OSBPL10: variants seen among roughly 807,000 people sequenced by gnomAD.
OSBPL10 encodes the protein oxysterol-binding protein-related protein 10.
OSBPL10 carries 49 observed loss-of-function variants against 81.7 expected under a neutral mutation model. The observed-to-expected ratio is 0.60, with a 90% CI of 0.48 to 0.76. The LOEUF (loss-of-function observed/expected upper bound fraction) is 0.76. Among genes scored for constraint, OSBPL10 ranks in the 30% least tolerant of loss-of-function variants. The pLI is 0.00. For synonymous variants in OSBPL10, 419 were observed against 383.6 expected (o/e 1.09, Z -1.08); for missense variants, 923 against 987.8 (o/e 0.93, Z 0.88).
At chr3:32,024,726 G>A (rs1053917766) in intron 2 of OSBPL10, among the ~76,000 whole-genome samples, 7 of 151,868 alleles carry the variant, frequency 4.6e-5, no homozygotes, top group Non-Finnish European at 1.0e-4. Context: ...CACCTGCCTC[G>A]GCCTCCCAAA....
At chr3:31,799,583 G>C (rs772078835) in intron 4 of OSBPL10, among the ~76,000 whole-genome samples, 7 of 152,000 alleles carry the variant, frequency 4.6e-5, no homozygotes, top group Non-Finnish European at 7.4e-5. Flanking sequence ...TGGTGAAGAT[G>C]AATTAGTCAC....
rs1699016030 is a variant in OSBPL10, at chr3:31,990,635, T to A, written n.298+55856A>T. On this transcript the variant is annotated intron_variant and non_coding_transcript_variant, in intron 2 of 3. Transcript: ENST00000479173. ...AAGTGTAATGAATGTGGCAAGGTTT[T>A]TAATCAACAAGCAACCCTTGCACGT... 6.2e-7 allele frequency: 1 copy of A among 1,614,176 alleles called. No homozygotes were observed. Among genetic ancestry groups the A allele is most frequent in the East Asian group, 2.2e-5 (1 of 44,868 alleles).
intron 4 of OSBPL10, among the ~76,000 whole-genome samples, chr3:31,751,256 G>A (rs1228673460): frequency 1.3e-5 from 2 of 152,146 alleles, no homozygotes; most frequent in Non-Finnish European, 2.9e-5. Flanking sequence ...GCTGAGATGG[G>A]AGGATCTCTT....
intron 2 of OSBPL10, among the ~76,000 whole-genome samples, chr3:32,026,428 G>A (rs955981212): frequency 3.3e-5 from 5 of 152,228 alleles, no homozygotes; most frequent in Non-Finnish European, 5.9e-5. Flanking sequence ...GACCATGCCC[G>A]GCTAAGCCAT....
At chr3:31,910,268 T>TGCA (rs1696535365) in intron 1 of OSBPL10, among the ~76,000 whole-genome samples, 1 of 151,594 alleles carries the variant, frequency 6.6e-6, no homozygotes. Context: ...TGTGAGCCAG[T>TGCA]GCACCTAGCC....
chr3:31,955,909 G>A (rs186650047), intron 1 of OSBPL10, among the ~76,000 whole-genome samples: 215 of 152,066 alleles, frequency 1.4e-3, no homozygotes, highest in Non-Finnish European at 2.2e-3. Flanking sequence ...GTCAGATGGT[G>A]ACAAGTGTAT....
intron 3 of OSBPL10, among the ~76,000 whole-genome samples, chr3:31,855,675 G>A (rs1356880876): frequency 6.6e-6 from 1 of 152,158 alleles, no homozygotes; most frequent in Non-Finnish European, 1.5e-5. Context: ...TACTTGCAGT[G>A]TTTGTTGAAT....
intron 2 of OSBPL10, among the ~76,000 whole-genome samples, chr3:32,031,179 GAAAAAGA>G (rs1699464201): frequency 6.6e-6 from 1 of 150,418 alleles, no homozygotes; most frequent in Non-Finnish European, 1.5e-5. Context: ...AAAAAGAAAA[GAAAAAGA>G]AAAAAGAAAA....
At chr3:31,909,549 A>G (rs891212786) in intron 1 of OSBPL10, among the ~76,000 whole-genome samples, 2 of 152,122 alleles carry the variant, frequency 1.3e-5, no homozygotes, top group Non-Finnish European at 2.9e-5. Flanking sequence ...CTTCTCACTA[A>G]ATTGCCATCT....
At chr3:31,996,785 G>T (rs1441791534) in intron 2 of OSBPL10, among the ~76,000 whole-genome samples, 1 of 152,144 alleles carries the variant, frequency 6.6e-6, no homozygotes, top group East Asian at 1.9e-4. Flanking sequence ...TCCAGAGAGT[G>T]CAGAACTTAA....
chr3:31,687,288 G>A (rs1575476187), intron 7 of OSBPL10, among the ~76,000 whole-genome samples: 1 of 152,138 alleles, frequency 6.6e-6, no homozygotes, highest in Middle Eastern at 3.4e-3. Flanking sequence ...TGGCAATGGG[G>A]CTTCTGTGGC....
intron 1 of OSBPL10, among the ~76,000 whole-genome samples, chr3:31,962,532 ATT>A (rs57842240): frequency 0.037 from 5,585 of 149,960 alleles, 223 homozygotes; most frequent in African/African-American, 0.091. Context: ...ATGAAACACT[ATT>A]TTTTTTTTTG....
chr3:31,853,568 T>C (rs996390397), intron 3 of OSBPL10, among the ~76,000 whole-genome samples: 2 of 152,240 alleles, frequency 1.3e-5, no homozygotes, highest in African/African-American at 4.8e-5. Flanking sequence ...AAAGGATCGA[T>C]GCTATAGTTT....
upstream of OSBPL10, chr3:31,981,700 CCCACCCGGT>C (rs751160426): frequency 2.6e-5 from 4 of 152,824 alleles, no homozygotes; most frequent in African/African-American, 7.2e-5. The surrounding 1 kb of genome is among the most constrained non-coding windows in gnomAD (Gnocchi z 4.5). Context: ...GGCAGCCCCA[CCCACCCGGT>C]CCACCCGGAT....
At chr3:32,055,314 C>T (rs1699701288) in intron 1 of OSBPL10, among the ~76,000 whole-genome samples, 1 of 141,006 alleles carries the variant, frequency 7.1e-6, no homozygotes, top group South Asian at 2.4e-4. Flanking sequence ...AGTGATTCTC[C>T]TGCATCAGCC....
chr3:31,971,307 T>C (rs1378129398), intron 1 of OSBPL10, among the ~76,000 whole-genome samples: 2 of 151,992 alleles, frequency 1.3e-5, no homozygotes, highest in African/African-American at 2.4e-5. Context: ...TGCCCGCTAA[T>C]TGTTGCATTT....
At chr3:31,946,366 T>TG (rs1200844711) in intron 1 of OSBPL10, among the ~76,000 whole-genome samples, 1 of 149,034 alleles carries the variant, frequency 6.7e-6, no homozygotes, top group Non-Finnish European at 1.5e-5. Flanking sequence ...ATTAAGAATT[T>TG]AAGAAAAATT....
intron 7 of OSBPL10, among the ~76,000 whole-genome samples, chr3:31,689,100 C>G (rs1292986418): frequency 6.6e-6 from 1 of 151,948 alleles, no homozygotes; most frequent in African/African-American, 2.4e-5. Flanking sequence ...ATTGTTTAGT[C>G]TGGCTCTTAA....
chr3:32,037,492 A>ATT, intron 2 of OSBPL10: 11 of 183,170 alleles, frequency 6.0e-5, no homozygotes, highest in South Asian at 3.3e-4. Flanking sequence ...TTCTAAAAAA[A>ATT]TTTTTTTTTT....
Sources: gnomAD v4.1 joint callset for allele counts (sites outside exome capture counted in the v4.1 genomes callset) on GRCh38, gnomAD v4.1.1 for gene constraint, Gnocchi (gnomAD v3.1) non-coding constraint, MANE v1.5 for transcripts, NCBI Gene and HGNC (gene_info 2026-07-23, HGNC 2026-07-21) for gene names.